ZC3H12B: variants seen among roughly 807,000 people sequenced by gnomAD.
ZC3H12B encodes the protein zinc finger CCCH-type containing 12B.
Under a neutral mutation model 43.9 loss-of-function variants are expected in ZC3H12B, and 7 were observed. The ratio of observed to expected loss-of-function variants is 0.16; its 90% CI spans 0.09 to 0.30. The LOEUF (loss-of-function observed/expected upper bound fraction) is 0.30. ZC3H12B is among the 10% of genes least tolerant of loss of function. ZC3H12B has a pLI of 1.00. For missense variants in ZC3H12B, 475 were observed against 670.2 expected (o/e 0.71, Z 3.22); for synonymous variants, 222 against 241.7 (o/e 0.92, Z 0.76).
At chrX:65,241,869 A>T in the ZC3H12B span, among the ~76,000 whole-genome samples, 1 of 111,287 alleles carries the variant, frequency 9.0e-6, no homozygotes, top group East Asian at 2.8e-4. Context: ...GTACTGATGG[A>T]TCTCCTACCT....
the ZC3H12B span, among the ~76,000 whole-genome samples, chrX:65,155,919 G>T: frequency 1.8e-5 from 2 of 109,719 alleles, no homozygotes; most frequent in African/African-American, 6.6e-5. Context: ...TATTTATAAG[G>T]TTGGAATTAT....
the ZC3H12B span, among the ~76,000 whole-genome samples, chrX:65,361,132 CAT>C: frequency 8.9e-6 from 1 of 111,796 alleles, no homozygotes; most frequent in Non-Finnish European, 1.9e-5. Context: ...TCTTTCTTCA[CAT>C]GTGTTATCAT....
the ZC3H12B span, among the ~76,000 whole-genome samples, chrX:65,084,494 G>T: frequency 8.9e-6 from 1 of 112,146 alleles, no homozygotes; most frequent in Non-Finnish European, 1.9e-5. Flanking sequence ...TGGCAAAGAG[G>T]CATATGATAA....
chrX:65,335,377 C>A, the ZC3H12B span, among the ~76,000 whole-genome samples: 3 of 111,863 alleles, frequency 2.7e-5, no homozygotes, highest in East Asian at 8.4e-4. Flanking sequence ...CAACTTTAGC[C>A]AGGCCAAACA....
At chrX:65,079,168 G>A in the ZC3H12B span, among the ~76,000 whole-genome samples, 2 of 112,532 alleles carry the variant, frequency 1.8e-5, no homozygotes, top group Non-Finnish European at 3.8e-5. Context: ...CATAATGACT[G>A]TGTCATGTGG....
the ZC3H12B span, among the ~76,000 whole-genome samples, chrX:65,283,157 G>A: frequency 3.6e-5 from 4 of 110,845 alleles, no homozygotes; most frequent in Admixed American, 2.9e-4. Flanking sequence ...TGGGATGCGA[G>A]GCTGGTTCAA....
the ZC3H12B span, among the ~76,000 whole-genome samples, chrX:65,351,451 G>T: frequency 1.8e-5 from 2 of 112,072 alleles, no homozygotes; most frequent in African/African-American, 6.5e-5. Flanking sequence ...GGCAACAAAA[G>T]CCAGAATTTA....
intron 3 of ZC3H12B, among the ~76,000 whole-genome samples, chrX:65,429,568 G>T (rs1395791088): frequency 2.7e-5 from 3 of 112,547 alleles, no homozygotes; most frequent in Non-Finnish European, 5.6e-5. Flanking sequence ...TGAAGGGGGT[G>T]GGGGGCTTTC....
intron 3 of ZC3H12B, among the ~76,000 whole-genome samples, chrX:65,423,568 TATC>T (rs1222552132): frequency 1.8e-5 from 2 of 112,668 alleles, no homozygotes; most frequent in Admixed American, 1.9e-4. Flanking sequence ...CATGAGATGA[TATC>T]ATATTATGGT....
chrX:65,385,254 C>G (rs1243167966), intron 2 of ZC3H12B, among the ~76,000 whole-genome samples: 1 of 111,981 alleles, frequency 8.9e-6, no homozygotes, highest in Non-Finnish European at 1.9e-5. Context: ...TGGCCATTTT[C>G]ACGATTTTGA....
the ZC3H12B span, among the ~76,000 whole-genome samples, chrX:65,327,547 G>A: frequency 9.0e-6 from 1 of 111,266 alleles, no homozygotes; most frequent in Admixed American, 9.6e-5. Flanking sequence ...TGCAAAGGAT[G>A]AGCTCTTTAT....
the ZC3H12B span, chrX:65,186,515 G>A: frequency 9.3e-6 from 1 of 107,534 alleles, no homozygotes; most frequent in African/African-American, 3.4e-5. Context: ...AAAGTGTCAG[G>A]AAAATAGCTT....
At position 65,488,991 on chromosome X, in the gene ZC3H12B, G is replaced by T. The variant is rs773241007; in HGVS notation, c.190G>T (p.Asp64Tyr). The change falls in exon 1 of 5, where the codon GAT becomes TAT. Residue 64 changes from aspartate (D) to tyrosine (Y), a missense_variant. Asp to Tyr is a radical substitution (Grantham distance 160). Around this residue, in one of 3 missense-constraint regions of ZC3H12B, gnomAD observed 160 missense variants for 236.0 expected, o/e 0.68. Transcript: ENST00000338957. The stretch of plus-strand genomic sequence containing the variant: ...CAACAGCAAGAGCTGCCAACCTAGG[G>T]ATGGTCAGTTGAAGAAAAAGGAGAT... The T allele has an allele frequency of 8.3e-7, 1 of 1,211,343 alleles. No individual in the cohort carries two copies. The highest frequency in any genetic ancestry group is 1.1e-6 in the Non-Finnish European group (1 of 895,363).
At chrX:65,055,955 G>A in the ZC3H12B span, among the ~76,000 whole-genome samples, 1 of 111,225 alleles carries the variant, frequency 9.0e-6, no homozygotes, top group African/African-American at 3.3e-5. Context: ...ATTTTTTATT[G>A]CATGTGTTTG....
intron 3 of ZC3H12B, among the ~76,000 whole-genome samples, chrX:65,428,532 A>C (rs1186400425): frequency 8.9e-6 from 1 of 112,278 alleles, no homozygotes; most frequent in Non-Finnish European, 1.9e-5. Context: ...TCTTTCCTCC[A>C]TTTGGTCTAT....
chrX:65,163,522 T>G, the ZC3H12B span, among the ~76,000 whole-genome samples: 1 of 111,431 alleles, frequency 9.0e-6, no homozygotes, highest in African/African-American at 3.3e-5. Flanking sequence ...TTTGATCTCA[T>G]ACTGCTGTGC....
chrX:65,350,660 A>G, the ZC3H12B span, among the ~76,000 whole-genome samples: 2 of 112,179 alleles, frequency 1.8e-5, no homozygotes, highest in African/African-American at 6.5e-5. Context: ...TGCAAAAATT[A>G]CAAGCATTTC....
chrX:65,233,423 C>G, the ZC3H12B span, among the ~76,000 whole-genome samples: 2 of 109,687 alleles, frequency 1.8e-5, no homozygotes, highest in Non-Finnish European at 3.8e-5. Flanking sequence ...TGGAATAAAA[C>G]TACAAATCAA....
the ZC3H12B span, among the ~76,000 whole-genome samples, chrX:65,168,295 A>G: frequency 1.5e-3 from 163 of 111,812 alleles, 1 homozygote; most frequent in Non-Finnish European, 2.6e-3. Context: ...TGATATAATC[A>G]TATGGTTTTT....
Sources: allele counts gnomAD v4.1 joint callset (sites outside exome capture counted in the v4.1 genomes callset), GRCh38; gene constraint gnomAD v4.1.1; regional missense constraint gnomAD v4.1.1; transcripts MANE v1.5; gene names NCBI Gene and HGNC (gene_info 2026-07-23, HGNC 2026-07-21).